ORC5: variants seen among roughly 807,000 people sequenced by gnomAD.
ORC5 encodes the protein protein phosphatase 1, regulatory subunit 117.
Under a neutral mutation model 58.8 loss-of-function variants are expected in ORC5, and 39 were observed. The observed-to-expected ratio is 0.66, with a 90% CI of 0.51 to 0.87. The LOEUF (loss-of-function observed/expected upper bound fraction) is 0.87, where lower values mean the gene tolerates loss of function less well. Among genes scored for constraint, ORC5 ranks in the 40% least tolerant of loss-of-function variants. ORC5 has a pLI of 0.00. For missense variants in ORC5, 493 were observed against 506.3 expected, an observed-to-expected ratio of 0.97 and a Z score of 0.25; for synonymous variants, 218 against 177.6, an observed-to-expected ratio of 1.23 and a Z score of -1.81.
chr7:104,166,736 T>C lies in ORC5; in HGVS notation c.990+36A>G, dbSNP rs751709582. The C allele has an allele frequency of 5.2e-6, 6 of 1,164,804 alleles. No individual in the cohort carries two copies. In the African/African-American group the frequency reaches 9.3e-5, roughly 18 times the overall value. 72.2% of individuals were successfully genotyped at this position (1,164,804 alleles called of 1,614,324 possible). A position where few individuals can be genotyped will look rare whatever the true frequency, so the allele number is the denominator to read the frequency against. ...AAATTTCAAAATATTCCTGGGATCT[T>C]AAAAAATAAAGTGAAAAGAAGTATG... is the stretch of plus-strand genomic sequence containing the variant. On this transcript the variant is annotated intron_variant, in intron 10 of 13. Coordinates refer to ENST00000297431, the MANE Select transcript of ORC5 (RefSeq NM_002553.4).
Position 104,166,768 on chromosome 7 carries a change from T to C in ORC5, c.990+4A>G, listed in dbSNP as rs1483388061. 1.4e-6 allele frequency: 2 copies of C among 1,467,766 alleles called. No homozygotes were observed. The highest frequency in any genetic ancestry group is 1.9e-6 in the Non-Finnish European group (2 of 1,055,652). 90.9% of individuals were successfully genotyped at this position (1,467,766 alleles called of 1,614,324 possible). On this transcript the variant is annotated splice_donor_region_variant and intron_variant, in intron 10 of 13. Coordinates refer to ENST00000297431, the MANE Select transcript of ORC5 (RefSeq NM_002553.4). ...TAAAGTGAAAAGAAGTATGTTATTA[T>C]TACCTTAAGAAAAAACCTCTTGTCA... is the stretch of plus-strand genomic sequence containing the variant.
rs370606665 is a variant in ORC5 at position 104,200,788 on chromosome 7, A to G, written c.336T>C (p.Ala112=). ...ATACAGTCTGATCTTTAAGATTTTC[A>G]GCTGTGGTTACTTGTTTAAACAAGC... is the stretch of plus-strand genomic sequence containing the variant. ...FVRLFKQVTT[A]ENLKDQTVYI... is the part of the protein sequence containing the mutation. The change falls in exon 3 of 14, where the codon GCT becomes GCC. Residue 112 remains alanine, a synonymous_variant. Coordinates refer to ENST00000297431, the MANE Select transcript of ORC5 (RefSeq NM_002553.4). 4 of 1,608,878 alleles carry G rather than the reference A, an allele frequency of 2.5e-6. No homozygotes were observed. The African/African-American group carries it at 4.0e-5, about 16-fold the overall frequency.
intron 10 of ORC5, among the ~76,000 whole-genome samples, chr7:104,166,049 T>A (rs1033626239): frequency 3.4e-5 from 5 of 145,000 alleles, no homozygotes; most frequent in African/African-American, 1.2e-4. Context: ...TAAAAAAAAA[T>A]AAAGTCCTGA....
At chr7:104,164,691 A>G (rs1343394959) in intron 11 of ORC5, among the ~76,000 whole-genome samples, 12 of 152,246 alleles carry the variant, frequency 7.9e-5, no homozygotes, top group Non-Finnish European at 1.6e-4. Flanking sequence ...TTCTTTCACC[A>G]GTTTCAACCT....
chr7:104,158,009 C>T (rs1798955483), intron 12 of ORC5, among the ~76,000 whole-genome samples: 1 of 152,080 alleles, frequency 6.6e-6, no homozygotes, highest in Non-Finnish European at 1.5e-5. Flanking sequence ...TGATTTTAAA[C>T]TATTATTTCT....
At chr7:104,145,238 T>C (rs1483100028) in intron 12 of ORC5, among the ~76,000 whole-genome samples, 1 of 152,224 alleles carries the variant, frequency 6.6e-6, no homozygotes, top group Non-Finnish European at 1.5e-5. Context: ...GCTAAGTATA[T>C]TAACTTCGAC....
In ORC5 at chr7:104,196,197, G is replaced by A. The variant is rs191951718; in HGVS notation, c.442-943C>T. ...AGGGATGCATGATCACCATTACTGG[G>A]CATAAGGAGGAAAAAACAGGGTGAT... On this transcript the variant is annotated intron_variant, in intron 4 of 13. Coordinates refer to ENST00000297431, the MANE Select transcript of ORC5 (RefSeq NM_002553.4). Among the ~76,000 whole-genome samples the A allele has an allele frequency of 9.2e-4, 126 of 137,172 alleles. 1 individual carries two copies. The highest frequency in any genetic ancestry group is 3.4e-3 in the African/African-American group (123 of 36,686). The allele number at this position is 137,172 out of a possible 152,430, so 90.0% of individuals were successfully genotyped here. A position where few individuals can be genotyped will look rare whatever the true frequency, so the allele number is the denominator to read the frequency against.
At chr7:104,163,476 G>A (rs1197051148) in intron 11 of ORC5, among the ~76,000 whole-genome samples, 1 of 151,982 alleles carries the variant, frequency 6.6e-6, no homozygotes, top group Non-Finnish European at 1.5e-5. Flanking sequence ...CATGGTTTGG[G>A]GGGTTTTGTT....
chr7:104,166,079 CA>C (rs1433228018), intron 10 of ORC5, among the ~76,000 whole-genome samples: 2 of 151,586 alleles, frequency 1.3e-5, no homozygotes, highest in South Asian at 2.1e-4. Context: ...CAAGACATGA[CA>C]AAAAAATGAA....
At chr7:104,191,043 A>G (rs911463354) in intron 5 of ORC5, among the ~76,000 whole-genome samples, 1 of 150,864 alleles carries the variant, frequency 6.6e-6, no homozygotes, top group African/African-American at 2.4e-5. Flanking sequence ...GCCTAGTTTT[A>G]TACTTAGAAT....
intron 1 of ORC5, 80 bp downstream of exon 1, chr7:104,207,753 A>C: frequency 7.0e-7 from 1 of 1,431,236 alleles, no homozygotes; most frequent in East Asian, 2.3e-5. Flanking sequence ...TCCAAACACG[A>C]AAAAACAAAT....
rs2302655 is a variant in ORC5, at chr7:104,204,081, T to G, written c.165+61A>C. Reference sequence around the variant, plus strand: ...TTTTGCATTTGTGGAGATTCACAATTATCAGTACCAATATTATACACTAAA... The same window carrying G: ...TTTTGCATTTGTGGAGATTCACAATGATCAGTACCAATATTATACACTAAA... On this transcript the variant is annotated intron_variant, in intron 2 of 13. Coordinates refer to ENST00000297431, the MANE Select transcript of ORC5 (RefSeq NM_002553.4). The G allele has an allele frequency of 2.3e-3, 1,936 of 825,754 alleles. 59 individuals are homozygous for G. The East Asian group carries it at 0.047, about 20-fold the overall frequency. The allele number at this position is 825,754 out of a possible 1,614,324, so 51.2% of individuals were successfully genotyped here. A position where few individuals can be genotyped will look rare whatever the true frequency, so the allele number is the denominator to read the frequency against.
At chr7:104,203,421 A>C (rs1282476764) in intron 2 of ORC5, among the ~76,000 whole-genome samples, 1 of 152,248 alleles carries the variant, frequency 6.6e-6, no homozygotes, top group African/African-American at 2.4e-5. Flanking sequence ...GGCCCTTAAG[A>C]AAAAGACTGC....
intron 12 of ORC5, among the ~76,000 whole-genome samples, chr7:104,142,826 T>C (rs1013616166): frequency 3.3e-5 from 5 of 152,154 alleles, no homozygotes; most frequent in Non-Finnish European, 2.9e-5. Context: ...ACACCTTTAC[T>C]ATGAAAAGAA....
chr7:104,188,515 C>A, intron 5 of ORC5, 134 bp from the exon 6 acceptor site: 1 of 579,630 alleles, frequency 1.7e-6, no homozygotes. Flanking sequence ...AAAACTATTA[C>A]AAGATTAGAA....
At chr7:104,173,913 C>T (rs1280275483) in intron 8 of ORC5, among the ~76,000 whole-genome samples, 2 of 139,540 alleles carry the variant, frequency 1.4e-5, no homozygotes, top group Non-Finnish European at 3.1e-5. Flanking sequence ...GGCGGGATCT[C>T]GGCTCACTGC....
intron 4 of ORC5, among the ~76,000 whole-genome samples, chr7:104,196,559 C>G (rs975498935): frequency 6.6e-6 from 1 of 152,186 alleles, no homozygotes; most frequent in Non-Finnish European, 1.5e-5. Flanking sequence ...CTTCAGGAGT[C>G]AGCCTTGGGC....
At chr7:104,154,627 A>C (rs535861606) in intron 12 of ORC5, among the ~76,000 whole-genome samples, 5 of 152,100 alleles carry the variant, frequency 3.3e-5, no homozygotes, top group African/African-American at 9.6e-5. Context: ...GAAACATAGT[A>C]GACACTTAGT....
chr7:104,166,921 G>A, intron 9 of ORC5, 37 bp from the exon 10 acceptor site: 1 of 1,177,580 alleles, frequency 8.5e-7, no homozygotes, highest in Non-Finnish European at 1.3e-6. Context: ...TACTTATTAG[G>A]CTAACATTGG....
Sources: gnomAD v4.1 joint callset for allele counts (sites outside exome capture counted in the v4.1 genomes callset) on GRCh38, gnomAD v4.1.1 for gene constraint, MANE v1.5 for transcripts, NCBI Gene and HGNC (gene_info 2026-07-23, HGNC 2026-07-21) for gene names.